MACROD1: variants seen among roughly 807,000 people sequenced by gnomAD.
MACROD1 encodes the protein mono-ADP ribosylhydrolase 1, also known as ADP-ribose glycohydrolase MACROD1.
In MACROD1, 31 loss-of-function variants were observed where a neutral mutation model predicts 41.4. That is an observed-to-expected ratio of 0.75 (90% CI 0.56 to 1.01). The LOEUF (loss-of-function observed/expected upper bound fraction) is 1.01, where lower values mean the gene tolerates loss of function less well. Among genes scored for constraint, MACROD1 ranks in the 50% least tolerant of loss-of-function variants. MACROD1 has a pLI of 0.00. For synonymous variants in MACROD1, 252 were observed against 203.4 expected (o/e 1.24, Z -2.03); for missense variants, 473 against 460.0 (o/e 1.03, Z -0.26).
At chr11:64,014,051 G>T (rs1313460622) in intron 4 of MACROD1, among the ~76,000 whole-genome samples, 1 of 152,146 alleles carries the variant, frequency 6.6e-6, no homozygotes, top group Non-Finnish European at 1.5e-5. Context: ...TGGGAGCTCA[G>T]GGGACAGGGA....
At chr11:64,003,364 C>T (rs938451058) in intron 4 of MACROD1, among the ~76,000 whole-genome samples, 21 of 152,144 alleles carry the variant, frequency 1.4e-4, no homozygotes, top group African/African-American at 4.8e-4. Flanking sequence ...CTTACAGGGG[C>T]GCACCACTAT....
intron 3 of MACROD1, among the ~76,000 whole-genome samples, chr11:64,127,180 G>C (rs137918605): frequency 1.3e-5 from 2 of 152,374 alleles, no homozygotes; most frequent in Non-Finnish European, 2.9e-5. Flanking sequence ...ATGTTGAGAT[G>C]AATGTGATTA....
chr11:64,007,195 TC>T (rs111262918), intron 4 of MACROD1, among the ~76,000 whole-genome samples: 3 of 152,028 alleles, frequency 2.0e-5, no homozygotes, highest in Non-Finnish European at 2.9e-5. Context: ...GTACGAGGGC[TC>T]GGGGGCGACG....
intron 3 of MACROD1, among the ~76,000 whole-genome samples, chr11:64,027,304 C>A (rs320129): frequency 0.023 from 3,574 of 152,166 alleles, 130 homozygotes; most frequent in African/African-American, 0.08. Context: ...CAGGGTTGGT[C>A]TTGCCCTTTA....
chr11:64,118,090 A>T (rs763578691), intron 3 of MACROD1: 8 of 1,611,962 alleles, frequency 5.0e-6, no homozygotes, highest in Non-Finnish European at 6.8e-6. Flanking sequence ...ACCAAGAAGG[A>T]TAACTCCATC....
chr11:64,141,554 C>T (rs1001744212), intron 3 of MACROD1, among the ~76,000 whole-genome samples: 1 of 152,234 alleles, frequency 6.6e-6, no homozygotes, highest in African/African-American at 2.4e-5. Flanking sequence ...CGGATCATTC[C>T]AGGAGAGCGA....
intron 3 of MACROD1, among the ~76,000 whole-genome samples, chr11:64,132,121 C>T (rs775850976): frequency 6.6e-6 from 1 of 152,026 alleles, no homozygotes; most frequent in Non-Finnish European, 1.5e-5. Context: ...AACACAGTCT[C>T]CTATTCATGG....
At chr11:64,051,131 A>C (rs997501076) in intron 3 of MACROD1, among the ~76,000 whole-genome samples, 4 of 152,198 alleles carry the variant, frequency 2.6e-5, no homozygotes, top group African/African-American at 4.8e-5. Context: ...CCAAAGCCCC[A>C]GGTTTGAGGC....
intron 5 of MACROD1, 139 bp from the exon 6 acceptor site, chr11:63,999,902 C>CAGGGGTGGGGG: frequency 1.0e-6 from 1 of 982,918 alleles, no homozygotes; most frequent in Non-Finnish European, 1.5e-6. Context: ...AAGGCCCCCA[C>CAGGGGTGGGGG]CCCTGTGGGC....
At chr11:64,053,417 G>A (rs558368863) in intron 3 of MACROD1, among the ~76,000 whole-genome samples, 3 of 152,296 alleles carry the variant, frequency 2.0e-5, no homozygotes, top group East Asian at 1.9e-4. Context: ...CTTAGAGGCC[G>A]GCCCTCCCTC....
At chr11:64,133,887 TG>T (rs1348657179) in intron 3 of MACROD1, among the ~76,000 whole-genome samples, 1 of 152,226 alleles carries the variant, frequency 6.6e-6, no homozygotes, top group African/African-American at 2.4e-5. Context: ...AACCCAGGTC[TG>T]GGGAAGTTCC....
At chr11:64,072,140 TG>T (rs1174384619) in intron 3 of MACROD1, among the ~76,000 whole-genome samples, 2 of 150,368 alleles carry the variant, frequency 1.3e-5, no homozygotes, top group African/African-American at 2.5e-5. Flanking sequence ...CAGCCAGGGG[TG>T]GGAGTGAGTG....
intron 3 of MACROD1, among the ~76,000 whole-genome samples, chr11:64,087,383 A>ACACCCCTG: frequency 6.6e-6 from 1 of 152,104 alleles, no homozygotes; most frequent in Non-Finnish European, 1.5e-5. Context: ...TGTAGCCCTG[A>ACACCCCTG]CCACAGGCCG....
intron 3 of MACROD1, among the ~76,000 whole-genome samples, chr11:64,124,211 A>G (rs949037603): frequency 6.6e-6 from 1 of 152,206 alleles, no homozygotes; most frequent in South Asian, 2.1e-4. Context: ...GTCTAAACTC[A>G]GCACCTATGG....
intron 3 of MACROD1, among the ~76,000 whole-genome samples, chr11:64,037,526 C>G (rs1295799704): frequency 6.6e-6 from 1 of 152,142 alleles, no homozygotes; most frequent in Non-Finnish European, 1.5e-5. Flanking sequence ...TGACAGGGCC[C>G]GTGCCTGGGA....
At chr11:64,134,110 C>G (rs1199017217) in intron 3 of MACROD1, among the ~76,000 whole-genome samples, 1 of 152,204 alleles carries the variant, frequency 6.6e-6, no homozygotes, top group African/African-American at 2.4e-5. Context: ...AGGAGAAGTT[C>G]TGGGGCTAGA....
At chr11:64,001,773 A>G (rs1234499099) in intron 4 of MACROD1, 2 of 701,888 alleles carry the variant, frequency 2.8e-6, no homozygotes, top group African/African-American at 3.5e-5. Flanking sequence ...GGCAGGGCCC[A>G]GAGCGGGCGT....
At chr11:64,129,434 G>A (rs545991193) in intron 3 of MACROD1, among the ~76,000 whole-genome samples, 1 of 152,350 alleles carries the variant, frequency 6.6e-6, no homozygotes, top group African/African-American at 2.4e-5. Context: ...CCCTACGGCT[G>A]TGACGGAGCC....
intron 3 of MACROD1, among the ~76,000 whole-genome samples, chr11:64,086,397 G>A (rs1299879786): frequency 6.6e-6 from 1 of 151,988 alleles, no homozygotes; most frequent in Non-Finnish European, 1.5e-5. Context: ...CGAGCTCAGA[G>A]GATGGAACAT....
Sources: allele counts gnomAD v4.1 joint callset (sites outside exome capture counted in the v4.1 genomes callset), GRCh38; gene constraint gnomAD v4.1.1; transcripts MANE v1.5; gene names NCBI Gene and HGNC (gene_info 2026-07-23, HGNC 2026-07-21).